The following REEP3 variants were observed in gnomAD, a reference collection of about 807,000 sequenced individuals.
The protein encoded by REEP3 is receptor accessory protein 3, also known as receptor expression-enhancing protein 3.
A neutral mutation model predicts 41.3 loss-of-function variants in REEP3; 20 were observed. That is an observed-to-expected ratio of 0.48 (90% CI 0.34 to 0.70). The LOEUF is 0.70. REEP3 is among the 30% of genes least tolerant of loss of function. The pLI is 0.01. For missense variants in REEP3, 271 were observed against 308.8 expected (o/e 0.88, Z 0.92); for synonymous variants, 104 against 101.8 (o/e 1.02, Z -0.13).
At chr10:63,610,001 G>A (rs991243963) in intron 5 of REEP3, among the ~76,000 whole-genome samples, 186 bp from the exon 6 acceptor site, 2 of 152,100 alleles carry the variant, frequency 1.3e-5, no homozygotes, top group Non-Finnish European at 2.9e-5. Flanking sequence ...AAAATAAAAT[G>A]AATTCATGGA....
intron 2 of REEP3, among the ~76,000 whole-genome samples, chr10:63,574,272 C>T (rs959832056): frequency 2.6e-5 from 4 of 152,178 alleles, no homozygotes; most frequent in African/African-American, 9.7e-5. Flanking sequence ...GTTCTTATAG[C>T]TTCCCAGAAT....
chr10:63,549,958 T>A (rs922155976), intron 1 of REEP3, among the ~76,000 whole-genome samples: 7 of 152,178 alleles, frequency 4.6e-5, no homozygotes, highest in South Asian at 2.1e-4. Context: ...TCTGATGCAC[T>A]CCCACAGAGG....
chr10:63,549,554 C>G (rs1004404498), intron 1 of REEP3, among the ~76,000 whole-genome samples: 2 of 151,952 alleles, frequency 1.3e-5, no homozygotes, highest in Non-Finnish European at 2.9e-5. Flanking sequence ...GTGACGTTGT[C>G]GAAGGGAATA....
intron 2 of REEP3, among the ~76,000 whole-genome samples, chr10:63,588,410 G>A (rs543883709): frequency 2.6e-4 from 39 of 151,080 alleles, no homozygotes; most frequent in African/African-American, 8.3e-4. Flanking sequence ...ACATGCTTTC[G>A]TGTTGCTTCA....
At chr10:63,589,957 G>C (rs1242638432) in intron 2 of REEP3, among the ~76,000 whole-genome samples, 1 of 151,804 alleles carries the variant, frequency 6.6e-6, no homozygotes, top group Non-Finnish European at 1.5e-5. Context: ...ACCATGCCCG[G>C]CTAATTTTTG....
intron 2 of REEP3, among the ~76,000 whole-genome samples, chr10:63,586,562 G>T (rs1459336692): frequency 2.0e-5 from 3 of 152,122 alleles, no homozygotes; most frequent in Non-Finnish European, 4.4e-5. Flanking sequence ...AAGTGCTCCA[G>T]TAGTGAAAAT....
At chr10:63,567,973 T>C (rs537124179) in intron 2 of REEP3, among the ~76,000 whole-genome samples, 2 of 152,270 alleles carry the variant, frequency 1.3e-5, no homozygotes, top group East Asian at 3.9e-4. Flanking sequence ...AGTTACATAG[T>C]TGGGCTCTCA....
At chr10:63,597,743 C>T (rs556866876) in intron 3 of REEP3, among the ~76,000 whole-genome samples, 15 of 151,972 alleles carry the variant, frequency 9.9e-5, no homozygotes, top group Non-Finnish European at 1.9e-4. Context: ...TGAAACCCCG[C>T]CTCTACTAAA....
At chr10:63,588,103 C>T (rs1350055863) in intron 2 of REEP3, among the ~76,000 whole-genome samples, 1 of 152,178 alleles carries the variant, frequency 6.6e-6, no homozygotes, top group African/African-American at 2.4e-5. Context: ...CACTCACCTT[C>T]CCACTCATGT....
intron 2 of REEP3, among the ~76,000 whole-genome samples, chr10:63,572,632 T>G (rs1245506767): frequency 6.6e-6 from 1 of 152,250 alleles, no homozygotes; most frequent in Admixed American, 6.5e-5. Context: ...TTATACATGG[T>G]ATTTTCTTAG....
At chr10:63,612,555 C>A (rs2133430394) in intron 6 of REEP3, among the ~76,000 whole-genome samples, 1 of 152,182 alleles carries the variant, frequency 6.6e-6, no homozygotes, top group South Asian at 2.1e-4. Flanking sequence ...CTTTGGGAGG[C>A]CGAGGCAGGC....
chr10:63,537,242 A>T (rs1268451363), intron 1 of REEP3, among the ~76,000 whole-genome samples: 1 of 152,172 alleles, frequency 6.6e-6, no homozygotes, highest in Non-Finnish European at 1.5e-5. Flanking sequence ...TGTTTTTTTT[A>T]AAGCAAGCCA....
At chr10:63,562,034 C>G (rs548824763) in intron 1 of REEP3, among the ~76,000 whole-genome samples, 1 of 152,234 alleles carries the variant, frequency 6.6e-6, no homozygotes, top group South Asian at 2.1e-4. Context: ...GATGAACACA[C>G]AGCAGATCTG....
chr10:63,566,549 C>G, intron 2 of REEP3, 139 bp downstream of exon 2: 1 of 559,100 alleles, frequency 1.8e-6, no homozygotes. Flanking sequence ...CAAAACTAAT[C>G]TTTTTTAAAA....
intron 2 of REEP3, among the ~76,000 whole-genome samples, chr10:63,577,224 G>A (rs141950067): frequency 3.3e-5 from 5 of 152,220 alleles, no homozygotes; most frequent in South Asian, 2.1e-4. Context: ...ACTTTTACTC[G>A]ATCCCTATTA....
chr10:63,594,743 A>G (rs2133405367), intron 2 of REEP3, 35 bp from the exon 3 acceptor site: 1 of 1,333,620 alleles, frequency 7.5e-7, no homozygotes, highest in Non-Finnish European at 1.1e-6. Context: ...AATAATTTTC[A>G]TCTGTTGTTT....
intron 1 of REEP3, among the ~76,000 whole-genome samples, chr10:63,545,592 C>G (rs1268982098): frequency 6.6e-6 from 1 of 151,434 alleles, no homozygotes; most frequent in Non-Finnish European, 1.5e-5. Context: ...CCAGGATGGT[C>G]TCGATCTCTT....
intron 5 of REEP3, among the ~76,000 whole-genome samples, chr10:63,609,717 G>A (rs938506771): frequency 2.6e-5 from 4 of 152,172 alleles, no homozygotes; most frequent in East Asian, 1.9e-4. Flanking sequence ...CCAAGATCAC[G>A]CCACTGCATT....
chr10:63,591,121 G>GTTTTTTTTTTTTTT, intron 2 of REEP3, among the ~76,000 whole-genome samples: 1 of 95,374 alleles, frequency 1.0e-5, no homozygotes, highest in African/African-American at 3.8e-5. Flanking sequence ...TTGTGTTTTT[G>GTTTTTTTTTTTTTT]TTTTTGTTTT....
Sources: allele counts gnomAD v4.1 joint callset (sites outside exome capture counted in the v4.1 genomes callset), GRCh38; gene constraint gnomAD v4.1.1; transcripts MANE v1.5; gene names NCBI Gene and HGNC (gene_info 2026-07-23, HGNC 2026-07-21).